CDC42SE2: variants seen among roughly 807,000 people sequenced by gnomAD.
CDC42SE2 encodes the protein CDC42 small effector protein 2.
Under a neutral mutation model 11.5 loss-of-function variants are expected in CDC42SE2, and 3 were observed. The observed-to-expected ratio is 0.26, with a 90% CI of 0.12 to 0.67. CDC42SE2 has a LOEUF of 0.67. Ranked by LOEUF, CDC42SE2 falls within the 30% of genes least tolerant of loss-of-function variation. The probability of loss-of-function intolerance (pLI) is 0.80; values close to 1 mark genes in which losing one functional copy is unlikely to be tolerated. For missense variants in CDC42SE2, 82 were observed against 106.8 expected, an observed-to-expected ratio of 0.77 and a Z score of 1.02; for synonymous variants, 33 against 34.8, an observed-to-expected ratio of 0.95 and a Z score of 0.18.
At chr5:131,355,382 T>C (rs1233773448) in intron 2 of CDC42SE2, among the ~76,000 whole-genome samples, 1 of 151,340 alleles carries the variant, frequency 6.6e-6, no homozygotes, top group Non-Finnish European at 1.5e-5. Context: ...GAGGCTGAGG[T>C]GGGAGGATCA....
intron 1 of CDC42SE2, among the ~76,000 whole-genome samples, chr5:131,253,791 A>C (rs563377432): frequency 6.6e-6 from 1 of 152,146 alleles, no homozygotes; most frequent in Admixed American, 6.5e-5. Context: ...TAAAAAAAGA[A>C]CTTCTTACAA....
chr5:131,306,818 A>G (rs1285942303), intron 1 of CDC42SE2, among the ~76,000 whole-genome samples: 1 of 152,108 alleles, frequency 6.6e-6, no homozygotes, highest in African/African-American at 2.4e-5. Context: ...CCTTGGTTAA[A>G]TTTAATCCTA....
At chr5:131,291,598 A>C (rs887138283) in intron 1 of CDC42SE2, among the ~76,000 whole-genome samples, 2 of 152,114 alleles carry the variant, frequency 1.3e-5, no homozygotes, top group African/African-American at 4.8e-5. Flanking sequence ...TAAATCTCCA[A>C]ATTATTGTTT....
At chr5:131,307,045 C>T (rs1012152360) in intron 1 of CDC42SE2, among the ~76,000 whole-genome samples, 4 of 151,520 alleles carry the variant, frequency 2.6e-5, no homozygotes, top group African/African-American at 9.7e-5. Flanking sequence ...GATACAATTT[C>T]TCTTCTTCCT....
At chr5:131,289,688 A>T (rs1757411883) in intron 1 of CDC42SE2, among the ~76,000 whole-genome samples, 1 of 151,094 alleles carries the variant, frequency 6.6e-6, no homozygotes, top group Non-Finnish European at 1.5e-5. Context: ...AAAAAAAAAG[A>T]GTTTGTAGCA....
chr5:131,389,602 C>A (rs1446532686), intron 4 of CDC42SE2, among the ~76,000 whole-genome samples: 1 of 152,296 alleles, frequency 6.6e-6, no homozygotes, highest in African/African-American at 2.4e-5. Flanking sequence ...ACCTGACTTA[C>A]TCAAAAAATG....
chr5:131,388,613 T>C (rs915201188), intron 4 of CDC42SE2, among the ~76,000 whole-genome samples: 2 of 152,240 alleles, frequency 1.3e-5, no homozygotes, highest in African/African-American at 4.8e-5. Flanking sequence ...AAGATTTCCG[T>C]TACCCGTTCA....
chr5:131,292,098 GC>G (rs1757467858), intron 1 of CDC42SE2, among the ~76,000 whole-genome samples: 1 of 151,636 alleles, frequency 6.6e-6, no homozygotes, highest in African/African-American at 2.4e-5. Context: ...AATTAGCTAG[GC>G]ATGGTGGCGC....
intron 1 of CDC42SE2, among the ~76,000 whole-genome samples, chr5:131,311,484 T>G (rs1757912763): frequency 6.6e-6 from 1 of 151,776 alleles, no homozygotes; most frequent in African/African-American, 2.4e-5. Context: ...ATCTGAACGT[T>G]GGCCTGCCTT....
rs191301788 is a variant in CDC42SE2, at chr5:131,294,711, G to T, written c.-454-21265G>T. ...AAGGATAATAAAAAGCCAGTACATG[G>T]CCGGGCGTGGTGGCTCACGCCTGTA... is the stretch of plus-strand genomic sequence containing the variant. On this transcript the variant is annotated intron_variant, in intron 1 of 4. Transcript: ENST00000505065. 1.8e-3 allele frequency among the ~76,000 whole-genome samples: 277 copies of T among 152,318 alleles called. 2 individuals carry two copies. The highest frequency in any genetic ancestry group is 1.9e-3 in the Non-Finnish European group (131 of 68,032).
chr5:131,253,484 G>T (rs1434489970), intron 1 of CDC42SE2, among the ~76,000 whole-genome samples: 1 of 152,144 alleles, frequency 6.6e-6, no homozygotes, highest in Non-Finnish European at 1.5e-5. Context: ...CTTCTTACAG[G>T]CCTGGCACAG....
chr5:131,249,594 C>T (rs958601240), intron 1 of CDC42SE2, among the ~76,000 whole-genome samples: 1 of 152,154 alleles, frequency 6.6e-6, no homozygotes. Context: ...AAAATCTCCT[C>T]CATTTGATTT....
chr5:131,328,274 A>G (rs973507959), intron 2 of CDC42SE2, among the ~76,000 whole-genome samples: 2 of 152,134 alleles, frequency 1.3e-5, no homozygotes, highest in South Asian at 4.1e-4. Context: ...TTTTTGTGAT[A>G]TCTAATATTA....
At chr5:131,350,755 C>T (rs1272134263) in intron 2 of CDC42SE2, among the ~76,000 whole-genome samples, 5 of 151,528 alleles carry the variant, frequency 3.3e-5, no homozygotes, top group African/African-American at 9.7e-5. Flanking sequence ...CAAGCTGATT[C>T]TAAAATATGT....
chr5:131,296,844 T>A (rs1016837336), intron 1 of CDC42SE2, among the ~76,000 whole-genome samples: 3 of 152,200 alleles, frequency 2.0e-5, no homozygotes, highest in Non-Finnish European at 2.9e-5. Context: ...TGTAAAGTTG[T>A]ATGGAAACAT....
In CDC42SE2 at chr5:131,391,190, AT is replaced by A; in HGVS notation, c.*105del. On this transcript the variant is annotated 3_prime_UTR_variant, in exon 5 of 5. Coordinates refer to ENST00000505065, the MANE Select transcript of CDC42SE2 (RefSeq NM_001375635.1). The stretch of plus-strand genomic sequence containing the variant: ...TAGTAAATATATGTATATATATATA[AT>A]TTTTTAATGGTGAACTTATTGGGAA... The A allele has an allele frequency of 2.2e-6, 1 of 451,828 alleles. No homozygotes were observed. The highest frequency in any genetic ancestry group is 3.5e-6 in the Non-Finnish European group (1 of 284,788). The allele number at this position is 451,828 out of a possible 1,614,324, so 28.0% of individuals were successfully genotyped here.
At chr5:131,330,851 C>CAA (rs912955913) in intron 2 of CDC42SE2, among the ~76,000 whole-genome samples, 3,692 of 58,054 alleles carry the variant, frequency 0.064, 205 homozygotes, top group African/African-American at 0.19. Context: ...CCTGCCTTTA[C>CAA]AAAAAAAAAA....
chr5:131,243,577 C>T (rs1316982472), upstream of CDC42SE2, among the ~76,000 whole-genome samples: 1 of 152,148 alleles, frequency 6.6e-6, no homozygotes, highest in Non-Finnish European at 1.5e-5. Context: ...CAGAGCGAGA[C>T]TCCGTCTCAA....
intron 3 of CDC42SE2, among the ~76,000 whole-genome samples, chr5:131,380,748 A>AG (rs1412530108): frequency 6.6e-6 from 1 of 152,162 alleles, no homozygotes; most frequent in Admixed American, 6.5e-5. Flanking sequence ...CTGCCATCTT[A>AG]CAGGGGAAAA....
Sources: allele counts gnomAD v4.1 joint callset (sites outside exome capture counted in the v4.1 genomes callset), GRCh38; gene constraint gnomAD v4.1.1; transcripts MANE v1.5; gene names NCBI Gene and HGNC (gene_info 2026-07-23, HGNC 2026-07-21).